Variants in POLR1C observed in about 807,000 individuals in gnomAD.
POLR1C encodes the protein DNA-directed RNA polymerases I and III subunit RPAC1.
Under a neutral mutation model 38.3 loss-of-function variants are expected in POLR1C, and 42 were observed. The ratio of observed to expected loss-of-function variants is 1.10; its 90% CI spans 0.86 to 1.42. POLR1C has a LOEUF of 1.42. Ranked by LOEUF, POLR1C falls within the 40% of genes most tolerant of loss-of-function variation. The pLI is 0.00. For synonymous variants in POLR1C, 163 were observed against 163.9 expected (o/e 0.99, Z 0.04); for missense variants, 507 against 450.5 (o/e 1.13, Z -1.14).
chr6:43,526,404 G>A, downstream of POLR1C: 1 of 481,316 alleles, frequency 2.1e-6, no homozygotes, highest in South Asian at 2.5e-5. Context: ...TGATAGGTTG[G>A]TCATGGACGA....
At chr6:43,526,869 C>T in intron 8 of POLR1C, 3 of 939,234 alleles carry the variant, frequency 3.2e-6, no homozygotes, top group South Asian at 1.4e-5. Context: ...ATGGGGGTAC[C>T]GTCCAAGGCA....
chr6:43,548,916 C>G (rs1795094910), intron 9 of POLR1C, among the ~76,000 whole-genome samples: 1 of 152,022 alleles, frequency 6.6e-6, no homozygotes, highest in South Asian at 2.1e-4. Context: ...TAATTAAGAT[C>G]ATCACATAGT....
chr6:43,520,744 C>T lies in POLR1C; in HGVS notation c.775C>T (p.Pro259Ser). The stretch of plus-strand genomic sequence containing the variant: ...TGAGGAGTTGAGCAGGTGCTTCTCA[C>T]CTGGTGTTATTGAGGTGCAGGAAGT... ...AAEELSRCFS[P>S]GVIEVQEVQG... Residue 259 changes from proline (P) to serine (S), a missense_variant, in exon 7 of 9, where the codon CCT becomes TCT. Coordinates refer to ENST00000642195, the MANE Select transcript of POLR1C (RefSeq NM_203290.4). 1.9e-6 allele frequency: 3 copies of T among 1,614,090 alleles called. No individual in the cohort carries two copies. Among genetic ancestry groups the T allele is most frequent in the Non-Finnish European group, 2.5e-6 (3 of 1,180,014 alleles).
intron 2 of POLR1C, 127 bp downstream of exon 2, chr6:43,517,504 T>G: frequency 1.1e-5 from 9 of 799,152 alleles, no homozygotes; most frequent in East Asian, 2.4e-5. Context: ...AGCAATGTGC[T>G]AGACGCTCCG....
At chr6:43,560,868 G>T in intron 10 of POLR1C, 2 of 1,356,046 alleles carry the variant, frequency 1.5e-6, no homozygotes, top group Non-Finnish European at 2.1e-6. Context: ...AGGACACAGT[G>T]CTTGACATTG....
chr6:43,519,659 G>T, intron 3 of POLR1C, 47 bp from the exon 4 acceptor site: 1 of 1,614,030 alleles, frequency 6.2e-7, no homozygotes, highest in Non-Finnish European at 8.5e-7. Flanking sequence ...GATAGGTAGG[G>T]GGTCTGTTGG....
intron 10 of POLR1C, among the ~76,000 whole-genome samples, chr6:43,560,008 G>A (rs1356747572): frequency 1.3e-5 from 2 of 152,144 alleles, no homozygotes; most frequent in Admixed American, 6.5e-5. Flanking sequence ...TAGTAGAGAC[G>A]AGGTTTTGCC....
chr6:43,539,573 C>T (rs957378571), intron 9 of POLR1C: 49 of 1,356,328 alleles, frequency 3.6e-5, no homozygotes, highest in Admixed American at 1.9e-4. Flanking sequence ...GCCTCAGCCC[C>T]GGCCCGGTCC....
At chr6:43,533,838 A>G (rs1025437143), downstream of POLR1C, 1 of 1,242,304 alleles carries the variant, frequency 8.0e-7, no homozygotes, top group Non-Finnish European at 1.1e-6. Flanking sequence ...CTCTTAAAAA[A>G]CAACAAAAAA....
At chr6:43,547,240 G>GA in intron 9 of POLR1C, 2 of 373,752 alleles carry the variant, frequency 5.4e-6, no homozygotes, top group South Asian at 2.2e-5. Flanking sequence ...GCAAAGCACT[G>GA]AAAAATCTCA....
chr6:43,557,848 C>A (rs1206667106), intron 10 of POLR1C, among the ~76,000 whole-genome samples: 1 of 146,362 alleles, frequency 6.8e-6, no homozygotes, highest in African/African-American at 2.5e-5. Context: ...TAAATCCCAG[C>A]ACTTTGGGAG....
At chr6:43,534,078 T>G, downstream of POLR1C, 1 of 1,214,626 alleles carries the variant, frequency 8.2e-7, no homozygotes, top group Middle Eastern at 2.0e-4. Flanking sequence ...TTGCTTGTAA[T>G]CCAGTGATAC....
At position 43,521,039 on chromosome 6, in the gene POLR1C, CATTAT is replaced by C. The variant is rs767639108; in HGVS notation, c.916_920del (p.Tyr306LeufsTer4). 66 of 1,613,106 alleles carry C rather than the reference CATTAT, an allele frequency of 4.1e-5. No homozygotes were observed. Among genetic ancestry groups the C allele is most frequent in the Non-Finnish European group, 5.6e-5 (66 of 1,179,152 alleles). On this transcript the variant is annotated frameshift_variant, in exon 8 of 9. Transcript: ENST00000642195. LOFTEE classifies it high-confidence loss of function. ...TGTGAGGCTTGCCCGGGTTCGAGATCATTATATCTGTGAGTATGAAGTGGTGAGAT... is the reference window on the plus strand; with the variant it reads ...TGTGAGGCTTGCCCGGGTTCGAGATCATCTGTGAGTATGAAGTGGTGAGAT...
chr6:43,542,613 A>G (rs572893502), intron 9 of POLR1C, among the ~76,000 whole-genome samples: 1 of 152,016 alleles, frequency 6.6e-6, no homozygotes, highest in South Asian at 2.1e-4. Context: ...TTGAGTAGAG[A>G]CGGGGTTTCA....
downstream of POLR1C, chr6:43,521,655 G>A: frequency 5.7e-6 from 2 of 350,888 alleles, no homozygotes; most frequent in South Asian, 2.3e-5. Context: ...AAGAGTAGCT[G>A]ATGCTACAGG....
intron 10 of POLR1C, among the ~76,000 whole-genome samples, chr6:43,554,292 T>A (rs1190697662): frequency 6.6e-6 from 1 of 151,782 alleles, no homozygotes; most frequent in Non-Finnish European, 1.5e-5. Context: ...TTTTTTTTTT[T>A]AGTAGAGACG....
downstream of POLR1C, chr6:43,526,413 G>A (rs986140580): frequency 1.4e-5 from 7 of 490,574 alleles, no homozygotes; most frequent in African/African-American, 3.9e-5. Context: ...GGTCATGGAC[G>A]ATCTCTGGGA....
chr6:43,517,092 C>G lies in POLR1C; in HGVS notation c.-18C>G, dbSNP rs769495929. Reference sequence around the variant, plus strand: ...GCACGCGCGAGATAGAACCTCTAGTCTCGTGGAGAGATTGAAGATGGCGGC... The same window carrying G: ...GCACGCGCGAGATAGAACCTCTAGTGTCGTGGAGAGATTGAAGATGGCGGC... On this transcript the variant is annotated 5_prime_UTR_variant, in exon 1 of 9. Coordinates refer to ENST00000642195, the MANE Select transcript of POLR1C (RefSeq NM_203290.4). 4.3e-6 allele frequency: 7 copies of G among 1,613,534 alleles called. 1 individual carries two copies. The highest frequency in any genetic ancestry group is 4.5e-5 in the East Asian group (2 of 44,880).
intron 10 of POLR1C, chr6:43,560,895 T>C (rs777021253): frequency 6.3e-7 from 1 of 1,584,494 alleles, no homozygotes; most frequent in Non-Finnish European, 8.7e-7. Flanking sequence ...CTAACTAAAC[T>C]TTTGAGAAGT....
Sources: gnomAD v4.1 joint callset for allele counts (sites outside exome capture counted in the v4.1 genomes callset) on GRCh38, gnomAD v4.1.1 for gene constraint, MANE v1.5 for transcripts, NCBI Gene and HGNC (gene_info 2026-07-23, HGNC 2026-07-21) for gene names.